The following HACE1 variants were observed in gnomAD, a reference collection of about 807,000 sequenced individuals.
HACE1 encodes the protein HECT domain and ankyrin repeat containing E3 ubiquitin protein ligase 1, also known as E3 ubiquitin-protein ligase HACE1.
In HACE1, 73 loss-of-function variants were observed where a neutral mutation model predicts 118.4. That is an observed-to-expected ratio of 0.62 (90% CI 0.51 to 0.75). The LOEUF (loss-of-function observed/expected upper bound fraction) is 0.75. HACE1 is among the 30% of genes least tolerant of loss of function. The probability of loss-of-function intolerance (pLI) is 0.00; values close to 1 mark genes in which losing one functional copy is unlikely to be tolerated. For synonymous variants in HACE1, 368 were observed against 374.8 expected (o/e 0.98, Z 0.21); for missense variants, 749 against 1,102.2 (o/e 0.68, Z 4.54).
intron 6 of HACE1, among the ~76,000 whole-genome samples, chr6:104,822,211 A>G (rs994584024): frequency 2.7e-5 from 4 of 149,466 alleles, no homozygotes; most frequent in Non-Finnish European, 4.5e-5. Context: ...ACTAAAAAAA[A>G]AAAAAAAAAA....
intron 22 of HACE1, among the ~76,000 whole-genome samples, chr6:104,739,414 G>A (rs1403350929): frequency 6.6e-6 from 1 of 152,094 alleles, no homozygotes; most frequent in African/African-American, 2.4e-5. Context: ...GCTGTATTCA[G>A]GAAACCCATC....
At chr6:104,785,859 T>C (rs1425169104) in intron 11 of HACE1, 1 of 153,078 alleles carries the variant, frequency 6.5e-6, no homozygotes, top group East Asian at 1.9e-4. Context: ...AAGAACCTAA[T>C]GAACAGCTTT....
At chr6:104,854,013 CCT>C (rs111625990) in intron 1 of HACE1, among the ~76,000 whole-genome samples, 1 of 152,022 alleles carries the variant, frequency 6.6e-6, no homozygotes, top group Non-Finnish European at 1.5e-5. Context: ...GGTCTCTCTC[CCT>C]CTCTCTCAAA....
intron 11 of HACE1, among the ~76,000 whole-genome samples, chr6:104,789,830 C>A (rs1369688499): frequency 1.3e-5 from 2 of 152,108 alleles, no homozygotes; most frequent in Non-Finnish European, 2.9e-5. Flanking sequence ...GATTCCGTCA[C>A]TAACAAAGTG....
intron 4 of HACE1, among the ~76,000 whole-genome samples, chr6:104,848,730 C>T (rs906522721): frequency 4.0e-5 from 6 of 151,808 alleles, no homozygotes; most frequent in Admixed American, 2.0e-4. Context: ...AAGCAATTTG[C>T]AAAATGAGCC....
intron 19 of HACE1, among the ~76,000 whole-genome samples, chr6:104,754,154 C>G (rs1407923191): frequency 6.8e-6 from 1 of 147,870 alleles, no homozygotes; most frequent in African/African-American, 2.6e-5. Flanking sequence ...AGGAAAGAAC[C>G]TCAGAGCTTG....
Position 104,820,513 on chromosome 6 carries a change from A to T in HACE1, c.535-9120T>A, listed in dbSNP as rs529714168. Among the ~76,000 whole-genome samples, 4 of 152,342 alleles carry T rather than the reference A, an allele frequency of 2.6e-5. No homozygotes were observed. The South Asian group carries it at 8.3e-4, about 32-fold the overall frequency. ...TTTACAAAAAAACAACAACCCCATT[A>T]AAAAGTGGGCAAAGGACATGAACAG... is the stretch of plus-strand genomic sequence containing the variant. On this transcript the variant is annotated intron_variant, in intron 6 of 23. Coordinates refer to ENST00000262903, the MANE Select transcript of HACE1 (RefSeq NM_020771.4).
intron 11 of HACE1, among the ~76,000 whole-genome samples, chr6:104,787,756 G>C (rs1172509182): frequency 3.9e-5 from 6 of 151,956 alleles, no homozygotes; most frequent in African/African-American, 1.2e-4. Context: ...AAAAATGAAA[G>C]ACAAATTTTC....
rs149765076 is a variant in HACE1 at position 104,858,032 on chromosome 6, G to A, written c.76+1535C>T. On this transcript the variant is annotated intron_variant, in intron 1 of 23. Coordinates refer to ENST00000262903, the MANE Select transcript of HACE1 (RefSeq NM_020771.4). ...ATGCAACATGATTTTAACTTGTTAG[G>A]GAGGGAAAAAGAAATAACAATGGTA... Among the ~76,000 whole-genome samples the A allele has an allele frequency of 2.5e-3, 375 of 152,056 alleles. 2 individuals carry two copies. Among genetic ancestry groups the A allele is most frequent in the African/African-American group, 8.7e-3 (361 of 41,486 alleles).
At chr6:104,795,723 T>C (rs1769548214) in intron 9 of HACE1, 38 bp from the exon 10 acceptor site, 1 of 1,208,530 alleles carries the variant, frequency 8.3e-7, no homozygotes, top group Non-Finnish European at 1.2e-6. Flanking sequence ...GATTACATAG[T>C]AATCCATTAA....
intron 6 of HACE1, among the ~76,000 whole-genome samples, chr6:104,823,349 G>A (rs898733811): frequency 4.0e-5 from 6 of 151,654 alleles, no homozygotes; most frequent in South Asian, 2.1e-4. Context: ...CAGGAGAATC[G>A]CTTGAACCTG....
At chr6:104,738,062 A>G (rs1236272524) in intron 22 of HACE1, among the ~76,000 whole-genome samples, 1 of 152,086 alleles carries the variant, frequency 6.6e-6, no homozygotes. Flanking sequence ...GGGCACACTG[A>G]CACCTCACAC....
At chr6:104,742,456 A>C (rs1383213235) in intron 22 of HACE1, among the ~76,000 whole-genome samples, 3 of 151,532 alleles carry the variant, frequency 2.0e-5, no homozygotes, top group East Asian at 1.9e-4. Flanking sequence ...AACTCAAACA[A>C]ATTTACAAGA....
chr6:104,809,073 C>G (rs971488354), intron 7 of HACE1, among the ~76,000 whole-genome samples: 1 of 152,182 alleles, frequency 6.6e-6, no homozygotes, highest in Non-Finnish European at 1.5e-5. Context: ...TCTATTTTAA[C>G]TATTATAAAT....
chr6:104,758,875 A>C (rs978518708), intron 19 of HACE1, among the ~76,000 whole-genome samples: 9 of 143,364 alleles, frequency 6.3e-5, no homozygotes, highest in African/African-American at 1.8e-4. Context: ...AATGGAAAGC[A>C]AAAAAAAAAA....
chr6:104,830,960 C>T (rs9391247), intron 6 of HACE1, among the ~76,000 whole-genome samples: 1 of 151,924 alleles, frequency 6.6e-6, no homozygotes, highest in East Asian at 1.9e-4. Context: ...GCACTACAAC[C>T]CACAACTCCT....
intron 2 of HACE1, among the ~76,000 whole-genome samples, chr6:104,851,759 A>G (rs1776229824): frequency 6.6e-6 from 1 of 152,202 alleles, no homozygotes; most frequent in African/African-American, 2.4e-5. Context: ...AACTTGTTTC[A>G]AAATAGTTTC....
intron 11 of HACE1, among the ~76,000 whole-genome samples, chr6:104,788,027 A>G (rs4409213): frequency 0.17 from 26,518 of 152,078 alleles, 2,505 homozygotes; most frequent in African/African-American, 0.25. Context: ...CTCTTTGAAG[A>G]TCTATTCAGA....
rs1554264973 is a variant in HACE1 at position 104,852,236 on chromosome 6, T to TGC, written c.131+79_131+80dup. 6 of 673,348 alleles carry TGC rather than the reference T, an allele frequency of 8.9e-6. No individual in the cohort carries two copies. In the African/African-American group the frequency reaches 9.5e-5, roughly 11 times the overall value. 41.7% of individuals were successfully genotyped at this position (673,348 alleles called of 1,614,324 possible). A position where few individuals can be genotyped will look rare whatever the true frequency, so the allele number is the denominator to read the frequency against. ...GTGTGTGTGTGTGTGTGTGCGCGCGTGCGCGTGCACGGGCATGCAGTACAC... is the reference window on the plus strand; with the variant it reads ...GTGTGTGTGTGTGTGTGTGCGCGCGTGCGCGCGTGCACGGGCATGCAGTACAC... On this transcript the variant is annotated intron_variant, in intron 2 of 23. Transcript: ENST00000262903.
Sources: allele counts gnomAD v4.1 joint callset (sites outside exome capture counted in the v4.1 genomes callset), GRCh38; gene constraint gnomAD v4.1.1; transcripts MANE v1.5; gene names NCBI Gene and HGNC (gene_info 2026-07-23, HGNC 2026-07-21).